Variants in FRMD4A observed in about 807,000 individuals in gnomAD.
The protein encoded by FRMD4A is FERM domain-containing protein 4A.
In FRMD4A, 29 loss-of-function variants were observed where a neutral mutation model predicts 129.1. The observed-to-expected ratio is 0.22, with a 90% CI of 0.17 to 0.31. FRMD4A has a LOEUF of 0.31. FRMD4A is among the 10% of genes least tolerant of loss of function. The probability of loss-of-function intolerance (pLI) is 1.00; values close to 1 mark genes in which losing one functional copy is unlikely to be tolerated. For synonymous variants in FRMD4A, 634 were observed against 571.6 expected (o/e 1.11, Z -1.56); for missense variants, 1,272 against 1,375.8 (o/e 0.92, Z 1.19).
At chr10:14,167,389 G>A (rs978989857) in intron 2 of FRMD4A, among the ~76,000 whole-genome samples, 9 of 151,538 alleles carry the variant, frequency 5.9e-5, no homozygotes, top group South Asian at 4.2e-4. Flanking sequence ...AAAATTAGCC[G>A]GGTGTGGTGG....
Position 14,183,960 on chromosome 10 carries a change from T to C in FRMD4A, c.45+146098A>G, listed in dbSNP as rs537227747. Among the ~76,000 whole-genome samples, 46 of 152,266 alleles carry C rather than the reference T, an allele frequency of 3.0e-4. No individual in the cohort carries two copies. In the East Asian group the frequency reaches 5.4e-3, roughly 18 times the overall value. ...AAGAACAAAGAGAAATTATGAGATA[T>C]GGAAAATAGCTCCAGAAACAAAGGC... On this transcript the variant is annotated intron_variant, in intron 2 of 24. Coordinates refer to ENST00000357447, the MANE Select transcript of FRMD4A (RefSeq NM_018027.5).
At chr10:14,187,210 T>G (rs1411169953) in intron 2 of FRMD4A, among the ~76,000 whole-genome samples, 1 of 152,072 alleles carries the variant, frequency 6.6e-6, no homozygotes, top group Non-Finnish European at 1.5e-5. Context: ...AAGAAACAGC[T>G]TGCATTCTAT....
intron 2 of FRMD4A, among the ~76,000 whole-genome samples, chr10:13,926,497 C>A (rs2095135093): frequency 6.6e-6 from 1 of 152,142 alleles, no homozygotes; most frequent in Admixed American, 6.5e-5. Flanking sequence ...GATCAGTCAG[C>A]AATTTGGAAG....
At chr10:14,190,712 C>T (rs1428708188) in intron 2 of FRMD4A, among the ~76,000 whole-genome samples, 1 of 152,178 alleles carries the variant, frequency 6.6e-6, no homozygotes, top group African/African-American at 2.4e-5. Context: ...AAAAGAAAAG[C>T]TTTATATTGC....
intron 2 of FRMD4A, among the ~76,000 whole-genome samples, chr10:14,290,845 C>T (rs1333926998): frequency 1.3e-5 from 2 of 152,034 alleles, no homozygotes; most frequent in Admixed American, 6.5e-5. Flanking sequence ...ATATCTTTGG[C>T]TCCAAAATAA....
At chr10:13,737,414 C>T (rs1180705849) in intron 12 of FRMD4A, among the ~76,000 whole-genome samples, 1 of 152,072 alleles carries the variant, frequency 6.6e-6, no homozygotes, top group Non-Finnish European at 1.5e-5. Flanking sequence ...GACCTGCAAT[C>T]TCTTCTTTCA....
rs1589204174 is a variant in FRMD4A at position 14,231,651 on chromosome 10, T to C, written c.45+98407A>G. ...GTGAGCCACTGTGCCCGGCCTCTCA[T>C]TGTGGTTTTGACTTGCATTTCTCTA... On this transcript the variant is annotated intron_variant, in intron 2 of 24. Coordinates refer to ENST00000357447, the MANE Select transcript of FRMD4A (RefSeq NM_018027.5). Among the ~76,000 whole-genome samples, 4 of 152,182 alleles carry C rather than the reference T, an allele frequency of 2.6e-5. No individual in the cohort carries two copies. In the East Asian group the frequency reaches 5.8e-4, roughly 22 times the overall value.
At chr10:13,722,855 G>A (rs2089554049) in intron 12 of FRMD4A, among the ~76,000 whole-genome samples, 1 of 152,188 alleles carries the variant, frequency 6.6e-6, no homozygotes, top group Non-Finnish European at 1.5e-5. Flanking sequence ...ATGCTGGTTA[G>A]GTAGGTCCCT....
At chr10:13,861,244 G>A (rs1237053309) in intron 2 of FRMD4A, among the ~76,000 whole-genome samples, 1 of 152,120 alleles carries the variant, frequency 6.6e-6, no homozygotes, top group African/African-American at 2.4e-5. Context: ...TGTATTTGCA[G>A]GTACGGCAAG....
intron 12 of FRMD4A, among the ~76,000 whole-genome samples, chr10:13,714,021 A>AAATATATATTTT (rs1225477259): frequency 0.024 from 35 of 1,472 alleles, 12 homozygotes; most frequent in Admixed American, 0.071. Context: ...ACATATATAA[A>AAATATATATTTT]ATATACATAT....
intron 3 of FRMD4A, among the ~76,000 whole-genome samples, chr10:13,813,607 AAC>A (rs1437214455): frequency 6.6e-6 from 1 of 152,218 alleles, no homozygotes; most frequent in Non-Finnish European, 1.5e-5. Context: ...AGGTGCTCTA[AAC>A]ACTGCCACTG....
At chr10:14,221,386 A>G (rs1235098786) in intron 2 of FRMD4A, among the ~76,000 whole-genome samples, 1 of 152,138 alleles carries the variant, frequency 6.6e-6, no homozygotes, top group African/African-American at 2.4e-5. Context: ...TAGCCTGGAG[A>G]ATCAAGAAAA....
chr10:14,020,845 A>G (rs560478293), intron 2 of FRMD4A, among the ~76,000 whole-genome samples: 1 of 152,188 alleles, frequency 6.6e-6, no homozygotes, highest in South Asian at 2.1e-4. Flanking sequence ...TTAGGGAGAA[A>G]TAGTGGGAGA....
intron 2 of FRMD4A, among the ~76,000 whole-genome samples, chr10:14,023,947 A>C (rs913257133): frequency 1.3e-4 from 20 of 152,174 alleles, no homozygotes; most frequent in African/African-American, 4.6e-4. Context: ...CCTCTAAAAA[A>C]AAAATTAGCA....
chr10:13,879,521 T>TAAATA (rs1015109064), intron 2 of FRMD4A, among the ~76,000 whole-genome samples: 1 of 151,774 alleles, frequency 6.6e-6, no homozygotes, highest in Non-Finnish European at 1.5e-5. Flanking sequence ...TCCCCACAAA[T>TAAATA]AAATAAAATA....
intron 2 of FRMD4A, among the ~76,000 whole-genome samples, chr10:13,939,904 A>G (rs1025969412): frequency 2.0e-5 from 3 of 152,208 alleles, no homozygotes; most frequent in Non-Finnish European, 2.9e-5. Context: ...GTTGCTTTCT[A>G]AAGTGCAAAG....
chr10:14,079,406 C>G (rs1432376804), intron 2 of FRMD4A, among the ~76,000 whole-genome samples: 1 of 152,140 alleles, frequency 6.6e-6, no homozygotes, highest in Non-Finnish European at 1.5e-5. Context: ...GGAAACTCAG[C>G]CTTTCCATCT....
intron 2 of FRMD4A, among the ~76,000 whole-genome samples, chr10:14,039,335 C>G (rs1833651410): frequency 6.6e-6 from 1 of 151,860 alleles, no homozygotes; most frequent in Non-Finnish European, 1.5e-5. Flanking sequence ...TAAGTAAGAT[C>G]TTTTTCTTGC....
chr10:13,679,496 C>T (rs1198883281), intron 15 of FRMD4A, among the ~76,000 whole-genome samples: 1 of 125,830 alleles, frequency 7.9e-6, no homozygotes, highest in Non-Finnish European at 1.6e-5. Flanking sequence ...CACACACACA[C>T]ACACACACAC....
Sources: gnomAD v4.1 joint callset for allele counts (sites outside exome capture counted in the v4.1 genomes callset) on GRCh38, gnomAD v4.1.1 for gene constraint, MANE v1.5 for transcripts, NCBI Gene and HGNC (gene_info 2026-07-23, HGNC 2026-07-21) for gene names.